FRMPD2: variants seen among roughly 807,000 people sequenced by gnomAD.
FRMPD2 encodes the protein FERM and PDZ domain containing 2.
FRMPD2 carries 96 observed loss-of-function variants against 140.1 expected under a neutral mutation model. The observed-to-expected ratio is 0.69, with a 90% CI of 0.58 to 0.81. The LOEUF is 0.81. FRMPD2 is among the 40% of genes least tolerant of loss of function. The pLI is 0.00. For synonymous variants in FRMPD2, 449 were observed against 547.6 expected, an observed-to-expected ratio of 0.82 and a Z score of 2.52; for missense variants, 1,240 against 1,447.4, an observed-to-expected ratio of 0.86 and a Z score of 2.32.
chr10:48,211,867 C>G, intron 13 of FRMPD2, 87 bp downstream of exon 13: 13 of 1,355,350 alleles, frequency 9.6e-6, no homozygotes, highest in Non-Finnish European at 1.3e-5. Flanking sequence ...CTGCACACAC[C>G]TGGGCCCCTT....
intron 13 of FRMPD2, among the ~76,000 whole-genome samples, chr10:48,207,251 C>G (rs772172410): frequency 2.7e-5 from 4 of 150,436 alleles, no homozygotes; most frequent in Non-Finnish European, 5.9e-5. Context: ...ATATTCTGAA[C>G]AAGTTTTTTA....
intron 16 of FRMPD2, among the ~76,000 whole-genome samples, chr10:48,187,517 A>T (rs970738259): frequency 6.6e-6 from 1 of 152,162 alleles, no homozygotes; most frequent in African/African-American, 2.4e-5. Context: ...TAGGATCTTT[A>T]TGTCTCAGAG....
In FRMPD2 at chr10:48,193,026, C is replaced by T. The variant is rs953568184; in HGVS notation, c.1955-132G>A. 2.9e-5 allele frequency: 20 copies of T among 689,598 alleles called. No individual in the cohort carries two copies. In the South Asian group the frequency reaches 3.3e-4, roughly 11 times the overall value. The allele number at this position is 689,598 out of a possible 1,614,324, so 42.7% of individuals were successfully genotyped here. On this transcript the variant is annotated intron_variant, in intron 15 of 28. Transcript: ENST00000374201. ...TTCTTTTTCTGCTGCTATTTTGTCTCCTGTGATTATCCCTGGGAATGCAAG... is the reference window on the plus strand; with the variant it reads ...TTCTTTTTCTGCTGCTATTTTGTCTTCTGTGATTATCCCTGGGAATGCAAG...
chr10:48,234,274 A>G (rs148954846), intron 9 of FRMPD2, among the ~76,000 whole-genome samples: 94 of 152,390 alleles, frequency 6.2e-4, no homozygotes, highest in African/African-American at 1.9e-3. Flanking sequence ...CAAATAAAAA[A>G]TAAAAATACC....
chr10:48,213,019 A>G (rs1323398931), intron 12 of FRMPD2, among the ~76,000 whole-genome samples: 2 of 152,190 alleles, frequency 1.3e-5, no homozygotes, highest in African/African-American at 4.8e-5. Flanking sequence ...ATTTCCCTCC[A>G]GTTGAGGGCA....
At chr10:48,257,789 T>C (rs1287844455) in intron 1 of FRMPD2, among the ~76,000 whole-genome samples, 2 of 152,162 alleles carry the variant, frequency 1.3e-5, no homozygotes, top group East Asian at 3.9e-4. Flanking sequence ...AGCGACCTCA[T>C]GGAACTGCCC....
chr10:48,199,024 G>A (rs1463477699), intron 15 of FRMPD2, among the ~76,000 whole-genome samples: 3 of 152,122 alleles, frequency 2.0e-5, no homozygotes, highest in Admixed American at 2.0e-4. Context: ...TTCCTTATAA[G>A]CAGGAGCTAA....
At chr10:48,218,961 C>A (rs1203741384) in intron 12 of FRMPD2, among the ~76,000 whole-genome samples, 4 of 152,150 alleles carry the variant, frequency 2.6e-5, no homozygotes, top group Non-Finnish European at 4.4e-5. Flanking sequence ...CACTTCTAAT[C>A]AACAGAATGC....
chr10:48,214,253 C>T (rs1032679359), intron 12 of FRMPD2, among the ~76,000 whole-genome samples: 1 of 152,132 alleles, frequency 6.6e-6, no homozygotes, highest in African/African-American at 2.4e-5. Context: ...GTGAGTATAC[C>T]CCAAACTGCA....
rs141652246 is a variant in FRMPD2 at position 48,259,997 on chromosome 10, A to G, written c.26-8306T>C. 1.8e-3 allele frequency among the ~76,000 whole-genome samples: 274 copies of G among 152,304 alleles called. 2 individuals carry two copies. Among genetic ancestry groups the G allele is most frequent in the African/African-American group, 5.7e-3 (239 of 41,574 alleles). ...CAATAAGATGTATAGATATAGATAT[A>G]GATGTAACCAATATATAATATTGGA... On this transcript the variant is annotated intron_variant, in intron 1 of 28. Transcript: ENST00000374201.
chr10:48,181,082 A>T (rs1838532960), intron 20 of FRMPD2, 74 bp from the exon 21 acceptor site: 2 of 845,978 alleles, frequency 2.4e-6, no homozygotes, highest in African/African-American at 3.3e-5. Context: ...ATGTGGGCAC[A>T]GCGTTTTCCT....
chr10:48,244,405 C>G (rs1431825004), intron 4 of FRMPD2, among the ~76,000 whole-genome samples: 1 of 152,210 alleles, frequency 6.6e-6, no homozygotes, highest in Non-Finnish European at 1.5e-5. Context: ...AGCCCAGAAG[C>G]CTTTTTCAGG....
At chr10:48,256,465 G>C (rs1385887231) in intron 1 of FRMPD2, among the ~76,000 whole-genome samples, 1 of 152,082 alleles carries the variant, frequency 6.6e-6, no homozygotes, top group Non-Finnish European at 1.5e-5. Flanking sequence ...GTCACATTTC[G>C]GTATTTTGTC....
At chr10:48,236,062 T>G (rs1167370787) in intron 9 of FRMPD2, among the ~76,000 whole-genome samples, 2 of 141,678 alleles carry the variant, frequency 1.4e-5, no homozygotes, top group Non-Finnish European at 3.0e-5. Context: ...TTTGTTTTTG[T>G]TTTTTGTTTT....
intron 13 of FRMPD2, among the ~76,000 whole-genome samples, chr10:48,208,225 C>G (rs1291919433): frequency 1.3e-5 from 2 of 152,160 alleles, no homozygotes; most frequent in African/African-American, 4.8e-5. Context: ...TGTGATATTT[C>G]TTTTAAAAAT....
rs182518868 is a variant in FRMPD2 at position 48,204,551 on chromosome 10, T to C, written c.1797+2197A>G. 5.6e-4 allele frequency among the ~76,000 whole-genome samples: 86 copies of C among 152,322 alleles called. 1 individual carries two copies. In the East Asian group the frequency reaches 0.012, roughly 22 times the overall value. On this transcript the variant is annotated intron_variant, in intron 14 of 28. Transcript: ENST00000374201. Reference sequence around the variant, plus strand: ...CCATCATACAGAAAAATAATCAGGGTACGCCATTAAAAATTTGAAAGGAAA... The same window carrying C: ...CCATCATACAGAAAAATAATCAGGGCACGCCATTAAAAATTTGAAAGGAAA...
intron 15 of FRMPD2, among the ~76,000 whole-genome samples, chr10:48,194,151 G>A (rs1405605973): frequency 2.6e-5 from 4 of 152,216 alleles, no homozygotes; most frequent in Admixed American, 6.5e-5. Context: ...TGTGCCAGGC[G>A]TGGTGGGAAG....
intron 27 of FRMPD2, among the ~76,000 whole-genome samples, chr10:48,167,855 T>C (rs1472405336): frequency 6.6e-6 from 1 of 151,210 alleles, no homozygotes; most frequent in African/African-American, 2.4e-5. Flanking sequence ...TGCTGTCAGC[T>C]GAAGCCCTTA....
intron 13 of FRMPD2, among the ~76,000 whole-genome samples, chr10:48,207,380 G>A (rs1476137080): frequency 6.6e-6 from 1 of 152,220 alleles, no homozygotes; most frequent in Admixed American, 6.5e-5. Context: ...CTGAGGCTAA[G>A]GCACAGAAAG....
Sources: allele counts gnomAD v4.1 joint callset (sites outside exome capture counted in the v4.1 genomes callset), GRCh38; gene constraint gnomAD v4.1.1; transcripts MANE v1.5; gene names NCBI Gene and HGNC (gene_info 2026-07-23, HGNC 2026-07-21).